The following S100A10 variants were observed in gnomAD, a reference collection of about 807,000 sequenced individuals.
S100A10 encodes S100 calcium binding protein A10.
A neutral mutation model predicts 7.1 loss-of-function variants in S100A10; 3 were observed. The ratio of observed to expected loss-of-function variants is 0.42; its 90% CI spans 0.19 to 1.10. The LOEUF (loss-of-function observed/expected upper bound fraction) is 1.10. S100A10 is among the 50% of genes least tolerant of loss of function. The pLI is 0.29. For missense variants in S100A10, 101 were observed against 118.1 expected, an observed-to-expected ratio of 0.86 and a Z score of 0.67; for synonymous variants, 41 against 39.3, an observed-to-expected ratio of 1.04 and a Z score of -0.16.
chr1:151,984,483 C>G (rs1421543070), intron 2 of S100A10, among the ~76,000 whole-genome samples: 2 of 152,110 alleles, frequency 1.3e-5, no homozygotes, highest in Non-Finnish European at 2.9e-5. Flanking sequence ...ACTTTAGAAA[C>G]AAAATGCTCT....
intron 1 of S100A10, among the ~76,000 whole-genome samples, chr1:151,989,850 T>A (rs926834019): frequency 6.6e-6 from 1 of 152,206 alleles, no homozygotes; most frequent in Non-Finnish European, 1.5e-5. Context: ...GCTTCCTGCA[T>A]CCTGGTTAGA....
At chr1:151,989,722 T>C (rs1271994125) in intron 1 of S100A10, among the ~76,000 whole-genome samples, 1 of 152,232 alleles carries the variant, frequency 6.6e-6, no homozygotes, top group Non-Finnish European at 1.5e-5. Flanking sequence ...GGGGCTTGCC[T>C]GGGCAGGGCT....
At chr1:151,985,978 A>C in intron 2 of S100A10, 121 bp downstream of exon 2, 1 of 714,458 alleles carries the variant, frequency 1.4e-6, no homozygotes, top group Non-Finnish European at 2.2e-6. Flanking sequence ...AGGTGACTAC[A>C]TTCATTTATT....
In S100A10 at chr1:151,993,373, A is replaced by G. The variant is rs754747788; in HGVS notation, c.-22+379T>C. The stretch of plus-strand genomic sequence containing the variant: ...CACCAAGAAACACGCCAGCCAGGGC[A>G]GGGGCGTGTAGGAGGGATTCGGTAA... On this transcript the variant is annotated intron_variant, in intron 1 of 2. Coordinates refer to ENST00000368811, the MANE Select transcript of S100A10 (RefSeq NM_002966.3). The surrounding 1 kb of genome is among the most constrained non-coding windows in gnomAD (Gnocchi z 5.1). Among the ~76,000 whole-genome samples, 26 of 152,314 alleles carry G rather than the reference A, an allele frequency of 1.7e-4. No homozygotes were observed. Among genetic ancestry groups the G allele is most frequent in the Non-Finnish European group, 2.6e-4 (18 of 68,016 alleles).
rs1381772519 is a variant in S100A10 at position 151,986,206 on chromosome 1, T to C, written c.25A>G (p.Met9Val). The change falls in exon 2 of 3, where the codon ATG becomes GTG. Residue 9 changes from methionine (M) to valine (V), a missense_variant. Physicochemically the swap from Met to Val is conservative, Grantham distance 21. Coordinates refer to ENST00000368811, the MANE Select transcript of S100A10 (RefSeq NM_002966.3). MPSQMEHA[M>V]ETMMFTFHKF... The stretch of plus-strand genomic sequence containing the variant: ...TGAAATGTAAACATCATGGTTTCCA[T>C]GGCGTGTTCCATTTGAGATGGCATT... 5 of 1,604,428 alleles carry C rather than the reference T, an allele frequency of 3.1e-6. No individual in the cohort carries two copies. Among genetic ancestry groups the C allele is most frequent in the Middle Eastern group, 1.6e-4 (1 of 6,062 alleles).
chr1:151,985,812 T>G (rs1247979200), intron 2 of S100A10, among the ~76,000 whole-genome samples: 1 of 152,236 alleles, frequency 6.6e-6, no homozygotes, highest in African/African-American at 2.4e-5. Flanking sequence ...ATATTGTGGT[T>G]ATTTGTATGC....
chr1:151,984,871 A>C (rs899899295), intron 2 of S100A10, among the ~76,000 whole-genome samples: 1 of 152,202 alleles, frequency 6.6e-6, no homozygotes, highest in African/African-American at 2.4e-5. Flanking sequence ...CAACCTGCCC[A>C]TTGTTAGTTA....
At chr1:151,988,418 G>A (rs554353110) in intron 1 of S100A10, among the ~76,000 whole-genome samples, 1 of 152,306 alleles carries the variant, frequency 6.6e-6, no homozygotes, top group Admixed American at 6.5e-5. Flanking sequence ...GACATGCTTT[G>A]GTCTGGTTCC....
intron 1 of S100A10, among the ~76,000 whole-genome samples, chr1:151,987,514 T>A (rs1042931027): frequency 2.6e-5 from 4 of 151,678 alleles, no homozygotes; most frequent in Non-Finnish European, 4.4e-5. Context: ...ACAAATGAAT[T>A]TATCTGCTGG....
At chr1:151,987,259 G>A (rs1655812717) in intron 1 of S100A10, among the ~76,000 whole-genome samples, 1 of 151,788 alleles carries the variant, frequency 6.6e-6, no homozygotes. Flanking sequence ...GCCCACCTCG[G>A]CCTCCCAAAG....
intron 1 of S100A10, 51 bp from the exon 2 acceptor site, chr1:151,986,302 C>A: frequency 8.0e-7 from 1 of 1,245,656 alleles, no homozygotes; most frequent in Non-Finnish European, 1.1e-6. Context: ...TTTTGGCAGA[C>A]TTTATGCATG....
rs1655960809 is a variant in S100A10, at chr1:151,993,698, A to G, written c.-22+54T>C. On this transcript the variant is annotated intron_variant, in intron 1 of 2. Transcript: ENST00000368811. This position sits in a 1 kb window ranked among gnomAD's most constrained non-coding sequence, Gnocchi z 5.1. ...GGGTGCAGGGTTTTCCCCGGGCAGCAGGTCCGGGCCTGGGGACTACCCAGG... is the reference window on the plus strand; with the variant it reads ...GGGTGCAGGGTTTTCCCCGGGCAGCGGGTCCGGGCCTGGGGACTACCCAGG... 1 of 152,338 alleles carries G rather than the reference A, an allele frequency of 6.6e-6. No individual in the cohort carries two copies. The highest frequency in any genetic ancestry group is 1.5e-5 in the Non-Finnish European group (1 of 68,164). The allele number at this position is 152,338 out of a possible 1,614,324, so 9.4% of individuals were successfully genotyped here.
intron 2 of S100A10, among the ~76,000 whole-genome samples, chr1:151,983,805 C>T (rs934950596): frequency 1.4e-4 from 21 of 152,146 alleles, no homozygotes; most frequent in African/African-American, 4.8e-4. Context: ...ATATTAGCCA[C>T]GTGATGCTGA....
chr1:151,993,510 A>G lies in S100A10; in HGVS notation c.-22+242T>C, dbSNP rs1557775304. Among the ~76,000 whole-genome samples, 2 of 152,122 alleles carry G rather than the reference A, an allele frequency of 1.3e-5. No homozygotes were observed. The highest frequency in any genetic ancestry group is 3.2e-3 in the Middle Eastern group (1 of 316). On this transcript the variant is annotated intron_variant, in intron 1 of 2. Coordinates refer to ENST00000368811, the MANE Select transcript of S100A10 (RefSeq NM_002966.3). The surrounding 1 kb of genome is among the most constrained non-coding windows in gnomAD (Gnocchi z 5.1). ...TACCACGGTCCCCTCCTAAAGAACAAGTGCCCCCTCCTCTGGTCCGCGTGG... is the reference window on the plus strand; with the variant it reads ...TACCACGGTCCCCTCCTAAAGAACAGGTGCCCCCTCCTCTGGTCCGCGTGG...
At chr1:151,987,249 G>A (rs774160375) in intron 1 of S100A10, among the ~76,000 whole-genome samples, 7 of 151,704 alleles carry the variant, frequency 4.6e-5, no homozygotes, top group Non-Finnish European at 8.8e-5. Context: ...CAGGTGATCC[G>A]CCCACCTCGG....
Position 151,986,092 on chromosome 1 carries a change from C to A in S100A10, c.132+7G>T. 3.8e-6 allele frequency: 6 copies of A among 1,584,774 alleles called. No individual in the cohort carries two copies. The highest frequency in any genetic ancestry group is 5.1e-6 in the Non-Finnish European group (6 of 1,170,624). On this transcript the variant is annotated splice_region_variant and intron_variant, in intron 2 of 2. Transcript: ENST00000368811. Reference sequence around the variant, plus strand: ...GTCTGGTTCTTTGTAAGCTTTTCAACACTTACTTCCAAAAATCCAGGGAAC... The same window carrying A: ...GTCTGGTTCTTTGTAAGCTTTTCAAAACTTACTTCCAAAAATCCAGGGAAC...
chr1:151,985,415 T>C (rs1655769980), intron 2 of S100A10: 1 of 152,236 alleles, frequency 6.6e-6, no homozygotes, highest in Non-Finnish European at 1.5e-5. Context: ...AGTCCTCTTA[T>C]AGGTCTTCAT....
intron 1 of S100A10, among the ~76,000 whole-genome samples, chr1:151,992,251 A>G (rs779610699): frequency 6.6e-6 from 1 of 152,208 alleles, no homozygotes; most frequent in Non-Finnish European, 1.5e-5. Flanking sequence ...GGGTGTTTCC[A>G]TGAGCCTGGC....
At chr1:151,987,089 T>G (rs974023332) in intron 1 of S100A10, among the ~76,000 whole-genome samples, 1 of 124,334 alleles carries the variant, frequency 8.0e-6, no homozygotes, top group South Asian at 2.7e-4. Flanking sequence ...CAGGCTGGAG[T>G]GCAGTGTTGT....
Sources: gnomAD v4.1 joint callset for allele counts (sites outside exome capture counted in the v4.1 genomes callset) on GRCh38, gnomAD v4.1.1 for gene constraint, Gnocchi (gnomAD v3.1) non-coding constraint, MANE v1.5 for transcripts, NCBI Gene and HGNC (gene_info 2026-07-23, HGNC 2026-07-21) for gene names.